The following PTCH2 variants were observed in gnomAD, a reference collection of about 807,000 sequenced individuals.
The protein encoded by PTCH2 is protein patched homolog 2.
Under a neutral mutation model 117.9 loss-of-function variants are expected in PTCH2, and 96 were observed. That is an observed-to-expected ratio of 0.81 (90% CI 0.69 to 0.96). The LOEUF (loss-of-function observed/expected upper bound fraction) is 0.96, where lower values mean the gene tolerates loss of function less well. Ranked by LOEUF, PTCH2 falls within the 50% of genes least tolerant of loss-of-function variation. The pLI, the probability that PTCH2 is intolerant of heterozygous loss-of-function variation, is 0.00. For missense variants in PTCH2, 1,379 were observed against 1,562.5 expected (o/e 0.88, Z 1.98); for synonymous variants, 615 against 660.9 (o/e 0.93, Z 1.06).
In PTCH2 at chr1:44,827,896, C is replaced by T. The variant is rs369981711; in HGVS notation, c.2005G>A (p.Ala669Thr). Residue 669 changes from alanine (A) to threonine (T), a missense_variant, in exon 14 of 22, where the codon GCC (alanine) becomes ACC (threonine). Physicochemically the swap from Ala to Thr is moderately conservative, Grantham distance 58 (BLOSUM62 0). Transcript: ENST00000372192. The stretch of plus-strand genomic sequence containing the variant: ...GCAAACTGATAGCGGGCGAAATGGG[C>T]AAGATTCCAGCGGGCACAGGGCAGG... Reference protein sequence around the residue: ...KSLPCARWNLAHFARYQFAPL... With the variant: ...KSLPCARWNLTHFARYQFAPL... The T allele has an allele frequency of 6.2e-7, 1 of 1,614,098 alleles. No homozygotes were observed. Among genetic ancestry groups the T allele is most frequent in the African/African-American group, 1.3e-5 (1 of 74,948 alleles).
chr1:44,820,925 C>G (rs996906410), downstream of PTCH2, among the ~76,000 whole-genome samples: 1 of 152,208 alleles, frequency 6.6e-6, no homozygotes, highest in Non-Finnish European at 1.5e-5. Context: ...ACTCTAGGTT[C>G]TCTGCCAACT....
At position 44,829,224 on chromosome 1, in the gene PTCH2, A is replaced by G. The variant is rs749641348; in HGVS notation, c.1304T>C (p.Leu435Pro). The G allele has an allele frequency of 6.2e-6, 10 of 1,613,448 alleles. No homozygotes were observed. The highest frequency in any genetic ancestry group is 2.2e-5 in the South Asian group (2 of 91,082). The part of the protein sequence containing the change: ...VGLAGVLLVA[L>P]AVASGLGLCA... ...GAGCCCAAGGCCTGAGGCCACCGCC[A>G]GGGCCACCAGCAGTACCCCGGCAAG... is the stretch of plus-strand genomic sequence containing the variant. Residue 435 changes from leucine (L) to proline (P), a missense_variant, in exon 10 of 22, where the codon CTG (leucine) becomes CCG (proline). Leu to Pro is a moderately conservative substitution (Grantham distance 98). Transcript: ENST00000372192.
At chr1:44,842,632 G>T (rs962184729) in intron 1 of PTCH2, among the ~76,000 whole-genome samples, 5 of 152,156 alleles carry the variant, frequency 3.3e-5, no homozygotes, top group Non-Finnish European at 7.4e-5. Flanking sequence ...CTGTCGTCGG[G>T]TGGACACAGA....
Position 44,823,022 on chromosome 1 carries a change from C to G in PTCH2, c.3357+47G>C. ...TCCCTTCCCTTGCCTCTCCCTACCC[C>G]GTCCCTTGGGCTGGGAGTAGAGGGA... On this transcript the variant is annotated intron_variant, in intron 21 of 21. Coordinates refer to ENST00000372192, the MANE Select transcript of PTCH2 (RefSeq NM_003738.5). This position sits in a 1 kb window ranked among gnomAD's most constrained non-coding sequence, Gnocchi z 5.1. 6.3e-7 allele frequency: 1 copy of G among 1,577,968 alleles called. No homozygotes were observed. The highest frequency in any genetic ancestry group is 8.6e-7 in the Non-Finnish European group (1 of 1,157,254).
intron 2 of PTCH2, among the ~76,000 whole-genome samples, chr1:44,840,542 C>G (rs1248640267): frequency 6.6e-6 from 1 of 151,502 alleles, no homozygotes. Context: ...GAAACCTGGT[C>G]TCTACTAATA....
At chr1:44,838,047 A>G (rs1194564366) in intron 2 of PTCH2, among the ~76,000 whole-genome samples, 3 of 148,806 alleles carry the variant, frequency 2.0e-5, no homozygotes, top group African/African-American at 7.5e-5. Flanking sequence ...GCACCTCTGC[A>G]CTCCAGTGTG....
intron 2 of PTCH2, among the ~76,000 whole-genome samples, chr1:44,839,146 G>A (rs1198875349): frequency 1.3e-5 from 2 of 152,062 alleles, no homozygotes; most frequent in Admixed American, 6.5e-5. Context: ...AGGCCAAGGC[G>A]GGCGGATCAC....
rs1339535167 is a variant in PTCH2 at position 44,842,058 on chromosome 1, G to A, written c.73-19C>T. 3.1e-6 allele frequency: 5 copies of A among 1,592,350 alleles called. 1 individual carries two copies. The South Asian group carries it at 5.5e-5, about 18-fold the overall frequency. ...CTAGGATCTGGGATGGAAAGAGAAG[G>A]GTCAGCCAGGCATCACTGCAACAAT... On this transcript the variant is annotated intron_variant, in intron 1 of 21. Transcript: ENST00000372192.
chr1:44,825,090 A>C (rs1026456316), intron 19 of PTCH2, among the ~76,000 whole-genome samples: 7 of 152,104 alleles, frequency 4.6e-5, no homozygotes, highest in African/African-American at 7.2e-5. Context: ...CTCTACTGAA[A>C]TGGCTGCTTA....
Position 44,830,115 on chromosome 1 carries a change from G to A in PTCH2, c.814-85C>T, listed in dbSNP as rs1306290732. 24 of 1,560,424 alleles carry A rather than the reference G, an allele frequency of 1.5e-5. No individual in the cohort carries two copies. In the Admixed American group the frequency reaches 2.8e-4, roughly 18 times the overall value. Reference sequence around the variant, plus strand: ...CTGGGCTTCCACCTCCAGGAACCACGCTGCCATGAAGCTCAGTAGGGCTGG... The same window carrying A: ...CTGGGCTTCCACCTCCAGGAACCACACTGCCATGAAGCTCAGTAGGGCTGG... On this transcript the variant is annotated intron_variant, in intron 6 of 21. Coordinates refer to ENST00000372192, the MANE Select transcript of PTCH2 (RefSeq NM_003738.5).
intron 2 of PTCH2, among the ~76,000 whole-genome samples, chr1:44,835,668 T>C (rs1653653355): frequency 6.6e-6 from 1 of 152,332 alleles, no homozygotes; most frequent in Admixed American, 6.5e-5. Flanking sequence ...AAGCTTTCTC[T>C]AGGTGAAATG....
In PTCH2 at chr1:44,827,194, G is replaced by T. The variant is rs2295996; in HGVS notation, c.2487C>A (p.Asp829Glu). 1 of 1,613,970 alleles carries T rather than the reference G, an allele frequency of 6.2e-7. No individual in the cohort carries two copies. Among genetic ancestry groups the T allele is most frequent in the Admixed American group, 1.7e-5 (1 of 60,024 alleles). Residue 829 changes from aspartate to glutamate, a missense_variant, in exon 16 of 22, where the codon GAC becomes GAA. By Grantham distance (45) the Asp-to-Glu change is conservative (BLOSUM62 2). Coordinates refer to ENST00000372192, the MANE Select transcript of PTCH2 (RefSeq NM_003738.5). The part of the protein sequence containing the change: ...LAYKLLIQTG[D>E]AQEPLDFSQL... ...GGCTGAAATCCAGAGGCTCCTGGGC[G>T]TCTCCAGTCTGGATGAGCAGCTTGT... is the stretch of plus-strand genomic sequence containing the variant.
intron 2 of PTCH2, among the ~76,000 whole-genome samples, chr1:44,837,240 TATTTA>T (rs1429274811): frequency 6.6e-6 from 1 of 152,004 alleles, no homozygotes; most frequent in Admixed American, 6.6e-5. Flanking sequence ...AGCATTCTAT[TATTTA>T]ATTTAATTTA....
chr1:44,827,483 T>C lies in PTCH2; in HGVS notation c.2290A>G (p.Ser764Gly), dbSNP rs769359308. 3.1e-6 allele frequency: 5 copies of C among 1,613,990 alleles called. No homozygotes were observed. The East Asian group carries it at 1.1e-4, about 36-fold the overall frequency. The change falls in exon 15 of 22, where the codon AGT becomes GGT. Residue 764 changes from serine to glycine, a missense_variant. By Grantham distance (56) the Ser-to-Gly change is moderately conservative. Transcript: ENST00000372192. ...GGGGGCAGCACCGCCTTGAGGGAACTGAAGCGCTGGTGCAGATCAAAGAGG... is the reference window on the plus strand; with the variant it reads ...GGGGGCAGCACCGCCTTGAGGGAACCGAAGCGCTGGTGCAGATCAAAGAGG... ...RALFDLHQRFSSLKAVLPPPA... is the reference protein window; with the variant it reads ...RALFDLHQRFGSLKAVLPPPA...
At chr1:44,835,687 G>C (rs923466070) in intron 2 of PTCH2, among the ~76,000 whole-genome samples, 11 of 152,278 alleles carry the variant, frequency 7.2e-5, no homozygotes, top group African/African-American at 1.9e-4. Flanking sequence ...TGGGAGTCAT[G>C]GTAGATTTTG....
rs759721177 is a variant in PTCH2, at chr1:44,829,598, C to T, written c.1083+16G>A. The T allele has an allele frequency of 6.2e-7, 1 of 1,614,212 alleles. No individual in the cohort carries two copies. Among genetic ancestry groups the T allele is most frequent in the Admixed American group, 1.7e-5 (1 of 60,026 alleles). On this transcript the variant is annotated intron_variant, in intron 8 of 21. Transcript: ENST00000372192. ...AATGGCCTCAGGGCACCCCCCTTGT[C>T]CTTGTCCATACCGACCTGCACAAAG...
downstream of PTCH2, chr1:44,821,769 A>G: frequency 1.5e-6 from 2 of 1,309,522 alleles, no homozygotes; most frequent in Non-Finnish European, 2.0e-6. Context: ...CTTAATCCAG[A>G]TGATGTTACC....
rs770575743 is a variant in PTCH2, at chr1:44,826,777, G to C, written c.2696-9C>G. On this transcript the variant is annotated splice_polypyrimidine_tract_variant and intron_variant, in intron 17 of 21. Transcript: ENST00000372192. The surrounding 1 kb of genome is among the most constrained non-coding windows in gnomAD (Gnocchi z 5.1). ...GGGCTGAGCTGGCGGGACTGTGGAG[G>C]GGAGGGGAAGGGAGAAGAGGGAGAG... 1 of 1,598,792 alleles carries C rather than the reference G, an allele frequency of 6.3e-7. No homozygotes were observed. The highest frequency in any genetic ancestry group is 1.7e-5 in the Admixed American group (1 of 59,170).
chr1:44,839,184 C>T (rs1185576688), intron 2 of PTCH2, among the ~76,000 whole-genome samples: 1 of 151,962 alleles, frequency 6.6e-6, no homozygotes. Flanking sequence ...GCCAGCATGG[C>T]CAACATGGTG....
Sources: gnomAD v4.1 joint callset for allele counts (sites outside exome capture counted in the v4.1 genomes callset) on GRCh38, gnomAD v4.1.1 for gene constraint, Gnocchi (gnomAD v3.1) non-coding constraint, MANE v1.5 for transcripts, NCBI Gene and HGNC (gene_info 2026-07-23, HGNC 2026-07-21) for gene names.